The following PARD3B variants were observed in gnomAD, a reference collection of about 807,000 sequenced individuals.
PARD3B encodes partitioning defective 3 homolog B.
In PARD3B, 103 loss-of-function variants were observed where a neutral mutation model predicts 130.2. That is an observed-to-expected ratio of 0.79 (90% CI 0.67 to 0.93). The LOEUF (loss-of-function observed/expected upper bound fraction) is 0.93, where lower values mean the gene tolerates loss of function less well. Among genes scored for constraint, PARD3B ranks in the 40% least tolerant of loss-of-function variants. The pLI is 0.00. For missense variants in PARD3B, 1,609 were observed against 1,499.2 expected, an observed-to-expected ratio of 1.07 and a Z score of -1.21; for synonymous variants, 583 against 553.2, an observed-to-expected ratio of 1.05 and a Z score of -0.76.
chr2:205,616,310 G>C lies in PARD3B; in HGVS notation c.*497G>C, dbSNP rs1046186549. The C allele has an allele frequency of 2.6e-5, 4 of 154,718 alleles. No individual in the cohort carries two copies. The highest frequency in any genetic ancestry group is 9.6e-5 in the African/African-American group (4 of 41,528). The allele number at this position is 154,718 out of a possible 1,614,324, so 9.6% of individuals were successfully genotyped here. On this transcript the variant is annotated 3_prime_UTR_variant, in exon 23 of 23. Transcript: ENST00000406610. ...AGGTGTGGCAGAGCAGACAGAGATA[G>C]AGGCATCTGAAGTGAGTATAGGTTT...
intron 16 of PARD3B, among the ~76,000 whole-genome samples, chr2:205,286,883 G>A (rs773364686): frequency 2.0e-5 from 3 of 152,116 alleles, no homozygotes; most frequent in Non-Finnish European, 4.4e-5. Flanking sequence ...TCTTTTGAAA[G>A]CCATTCTATT....
chr2:205,009,045 A>G (rs1338193198), intron 3 of PARD3B, among the ~76,000 whole-genome samples: 1 of 152,216 alleles, frequency 6.6e-6, no homozygotes, highest in Non-Finnish European at 1.5e-5. Context: ...GCATGTAGTA[A>G]GGGTACAAAT....
intron 1 of PARD3B, among the ~76,000 whole-genome samples, chr2:204,667,477 C>A (rs1270367788): frequency 6.6e-6 from 1 of 152,036 alleles, no homozygotes; most frequent in Non-Finnish European, 1.5e-5. Context: ...AGTTCCAGTC[C>A]CAGATTTTTA....
At position 204,671,633 on chromosome 2, in the gene PARD3B, T is replaced by G. The variant is rs190340206; in HGVS notation, c.121-14548T>G. 3.3e-3 allele frequency among the ~76,000 whole-genome samples: 509 copies of G among 152,284 alleles called. 2 individuals carry two copies. The highest frequency in any genetic ancestry group is 6.3e-3 in the Non-Finnish European group (426 of 68,006). ...CAGATATCTGCTACTTCCATGAAGATAGAGTTTATGGTTTTGTTTCTTAAT... is the reference window on the plus strand; with the variant it reads ...CAGATATCTGCTACTTCCATGAAGAGAGAGTTTATGGTTTTGTTTCTTAAT... On this transcript the variant is annotated intron_variant, in intron 1 of 22. Coordinates refer to ENST00000406610, the MANE Select transcript of PARD3B (RefSeq NM_001302769.2).
rs147941297 is a variant in PARD3B at position 204,783,487 on chromosome 2, T to C, written c.222+97205T>C. Among the ~76,000 whole-genome samples, 379 of 152,274 alleles carry C rather than the reference T, an allele frequency of 2.5e-3. 2 individuals are homozygous for C. The highest frequency in any genetic ancestry group is 8.6e-3 in the African/African-American group (359 of 41,568). On this transcript the variant is annotated intron_variant, in intron 2 of 22. Transcript: ENST00000406610. ...TCCCTCAAGGGCCTATCTCCAGATA[T>C]AGATTAGGGCTTCAACACTGAATTT...
rs570002359 is a variant in PARD3B at position 204,693,001 on chromosome 2, T to G, written c.222+6719T>G. ...TCCCTAGGATGCTGATAACATCTCA[T>G]GCAGATCAAAACTACTCAGTTTGAA... On this transcript the variant is annotated intron_variant, in intron 2 of 22. Transcript: ENST00000406610. Among the ~76,000 whole-genome samples, 452 of 152,174 alleles carry G rather than the reference T, an allele frequency of 3.0e-3. 1 individual carries two copies. The highest frequency in any genetic ancestry group is 9.6e-3 in the African/African-American group (401 of 41,556).
At chr2:205,234,029 C>T (rs138971695) in intron 15 of PARD3B, among the ~76,000 whole-genome samples, 81 of 151,954 alleles carry the variant, frequency 5.3e-4, no homozygotes, top group Non-Finnish European at 1.1e-3. Context: ...CCAAAAGAGG[C>T]AGAGTAGGGG....
intron 3 of PARD3B, among the ~76,000 whole-genome samples, chr2:205,025,718 C>T (rs1473352260): frequency 1.3e-5 from 2 of 152,078 alleles, no homozygotes; most frequent in Non-Finnish European, 2.9e-5. Flanking sequence ...AATAACCACA[C>T]GTCTCTCTGG....
At chr2:204,687,946 A>G (rs2125246803) in intron 2 of PARD3B, among the ~76,000 whole-genome samples, 1 of 152,288 alleles carries the variant, frequency 6.6e-6, no homozygotes, top group South Asian at 2.1e-4. Flanking sequence ...GCCCAGGGAG[A>G]TAATTTGTCC....
chr2:204,846,970 A>G (rs773715069), intron 2 of PARD3B, among the ~76,000 whole-genome samples: 3 of 151,928 alleles, frequency 2.0e-5, no homozygotes, highest in Non-Finnish European at 4.4e-5. Flanking sequence ...AATTTACTCT[A>G]TATTTTAATA....
intron 16 of PARD3B, among the ~76,000 whole-genome samples, chr2:205,260,756 T>C (rs2040272904): frequency 6.6e-6 from 1 of 152,274 alleles, no homozygotes; most frequent in South Asian, 2.1e-4. Context: ...TTTTTAATTG[T>C]TGTTTTTCCT....
chr2:204,939,856 A>G lies in PARD3B; in HGVS notation c.223-25296A>G, dbSNP rs16836777. Among the ~76,000 whole-genome samples the G allele has an allele frequency of 9.6e-3, 1,458 of 152,296 alleles. 24 individuals carry two copies. Among genetic ancestry groups the G allele is most frequent in the African/African-American group, 0.033 (1,383 of 41,556 alleles). On this transcript the variant is annotated intron_variant, in intron 2 of 22. Coordinates refer to ENST00000406610, the MANE Select transcript of PARD3B (RefSeq NM_001302769.2). The stretch of plus-strand genomic sequence containing the variant: ...AATGTTTCCTATTTATTATCACACC[A>G]TTATTTCTCAATCAGAATGCTTTTC...
At chr2:205,076,949 T>G (rs1316090159) in intron 4 of PARD3B, among the ~76,000 whole-genome samples, 1 of 152,182 alleles carries the variant, frequency 6.6e-6, no homozygotes, top group Non-Finnish European at 1.5e-5. Flanking sequence ...TTCCTAAATT[T>G]ATTTGACTGC....
At position 205,070,998 on chromosome 2, in the gene PARD3B, T is replaced by TA. The variant is rs940874630; in HGVS notation, c.504+23319dup. Among the ~76,000 whole-genome samples the TA allele has an allele frequency of 3.1e-3, 456 of 146,262 alleles. 1 individual carries two copies. Among genetic ancestry groups the TA allele is most frequent in the African/African-American group, 4.5e-3 (179 of 40,152 alleles). ...GGAAATAAAGTGCATACTGTTAATG[T>TA]AAAAAAAAAAACCACTTAATTTGGG... On this transcript the variant is annotated intron_variant, in intron 4 of 22. Transcript: ENST00000406610.
chr2:204,665,207 T>C (rs1205416819), intron 1 of PARD3B, among the ~76,000 whole-genome samples: 1 of 152,068 alleles, frequency 6.6e-6, no homozygotes, highest in Admixed American at 6.6e-5. Context: ...GACTCAAATA[T>C]ATGCATATAG....
intron 21 of PARD3B, among the ~76,000 whole-genome samples, chr2:205,543,129 C>T (rs1410490711): frequency 6.6e-6 from 1 of 151,982 alleles, no homozygotes; most frequent in Non-Finnish European, 1.5e-5. Flanking sequence ...ATATGCCAGG[C>T]CTTGAGAATG....
chr2:204,948,592 A>G (rs1464801963), intron 2 of PARD3B, among the ~76,000 whole-genome samples: 1 of 152,212 alleles, frequency 6.6e-6, no homozygotes, highest in Non-Finnish European at 1.5e-5. Context: ...CATGAGCATT[A>G]AAACAAAAAA....
Position 204,546,133 on chromosome 2 carries a change from G to C in PARD3B, c.120+14G>C. 6.4e-7 allele frequency: 1 copy of C among 1,551,534 alleles called. No homozygotes were observed. The highest frequency in any genetic ancestry group is 1.2e-5 in the South Asian group (1 of 84,186). ...ACCCGGGAGAAGGTGAGCGCGGCGC[G>C]GAGGAGTGGGGCGCGGCTGCAGCCA... On this transcript the variant is annotated intron_variant, in intron 1 of 22. Coordinates refer to ENST00000406610, the MANE Select transcript of PARD3B (RefSeq NM_001302769.2).
chr2:205,213,465 T>A (rs984976815), intron 15 of PARD3B, among the ~76,000 whole-genome samples: 1 of 152,112 alleles, frequency 6.6e-6, no homozygotes, highest in Non-Finnish European at 1.5e-5. Flanking sequence ...AAATCCAAGA[T>A]GAATGAGTGA....
Sources: gnomAD v4.1 joint callset for allele counts (sites outside exome capture counted in the v4.1 genomes callset) on GRCh38, gnomAD v4.1.1 for gene constraint, MANE v1.5 for transcripts, NCBI Gene and HGNC (gene_info 2026-07-23, HGNC 2026-07-21) for gene names.